The following RYR2 variants were observed in gnomAD, a reference collection of about 807,000 sequenced individuals.
RYR2 encodes cardiac muscle ryanodine receptor-calcium release channel.
RYR2 carries 227 observed loss-of-function variants against 601.1 expected under a neutral mutation model. That is an observed-to-expected ratio of 0.38 (90% CI 0.34 to 0.42). The LOEUF is 0.42. Ranked by LOEUF, RYR2 falls within the 10% of genes least tolerant of loss-of-function variation. RYR2 has a pLI of 1.00. For synonymous variants in RYR2, 2,223 were observed against 2,175.1 expected (o/e 1.02, Z -0.61); for missense variants, 4,646 against 6,156.5 (o/e 0.75, Z 8.21).
chr1:237,458,976 C>T (rs866756857), intron 16 of RYR2, among the ~76,000 whole-genome samples: 9 of 152,250 alleles, frequency 5.9e-5, no homozygotes, highest in South Asian at 2.1e-4. Context: ...AGGTGACATG[C>T]GGCTGCCATT....
intron 10 of RYR2, among the ~76,000 whole-genome samples, chr1:237,403,808 G>T (rs1259291828): frequency 2.0e-5 from 3 of 152,042 alleles, no homozygotes; most frequent in Non-Finnish European, 4.4e-5. Flanking sequence ...GTTTCTTTGA[G>T]TAGAAGAAAA....
chr1:237,585,019 G>A (rs1364629009), intron 29 of RYR2, among the ~76,000 whole-genome samples: 1 of 151,986 alleles, frequency 6.6e-6, no homozygotes, highest in East Asian at 1.9e-4. Flanking sequence ...ATACAGGCAT[G>A]AACTACTGCC....
intron 62 of RYR2, among the ~76,000 whole-genome samples, chr1:237,687,186 T>A (rs1421175845): frequency 2.6e-5 from 4 of 152,034 alleles, no homozygotes; most frequent in African/African-American, 9.7e-5. Context: ...GCTTTCAATT[T>A]TTTTTGGTTT....
intron 2 of RYR2, among the ~76,000 whole-genome samples, chr1:237,323,155 C>A (rs1180427223): frequency 6.6e-6 from 1 of 152,026 alleles, no homozygotes; most frequent in Non-Finnish European, 1.5e-5. Flanking sequence ...GTATGTGGAG[C>A]TTTTATTGAG....
In RYR2 at chr1:237,796,629, A is replaced by G. The variant is rs142281672; in HGVS notation, c.13956+1298A>G. The stretch of plus-strand genomic sequence containing the variant: ...TATATTTCCTTCTTCATTCACTTCA[A>G]TCTTGTTCAGTATATTTCCTTCTTC... On this transcript the variant is annotated intron_variant, in intron 96 of 104. Transcript: ENST00000366574. Among the ~76,000 whole-genome samples the G allele has an allele frequency of 4.0e-3, 607 of 151,994 alleles. 3 individuals carry two copies. The highest frequency in any genetic ancestry group is 0.014 in the African/African-American group (571 of 41,444).
At chr1:237,280,317 C>A (rs949682263) in intron 2 of RYR2, among the ~76,000 whole-genome samples, 2 of 151,980 alleles carry the variant, frequency 1.3e-5, no homozygotes, top group African/African-American at 4.8e-5. Flanking sequence ...TGTTTCTTGA[C>A]GATTTCTCTA....
intron 92 of RYR2, among the ~76,000 whole-genome samples, chr1:237,788,409 G>A (rs902071293): frequency 1.3e-5 from 2 of 152,148 alleles, no homozygotes; most frequent in Non-Finnish European, 2.9e-5. Flanking sequence ...CCCAGTGTCT[G>A]CCCACAAAGA....
In RYR2 at chr1:237,503,366, C is replaced by A; in HGVS notation, c.2474C>A (p.Ala825Asp). ...CCTGGGTATGCTCCTTGTTATGAAG[C>A]TGTTCTGCCAAAAGAAAAGTTGAAA... ...PPPGYAPCYEAVLPKEKLKVE... is the reference protein window; with the variant it reads ...PPPGYAPCYEDVLPKEKLKVE... Residue 825 changes from alanine to aspartate, a missense_variant, in exon 22 of 105, where the codon GCT (alanine) becomes GAT (aspartate). Physicochemically the swap from Ala to Asp is moderately radical, Grantham distance 126. Coordinates refer to ENST00000366574, the MANE Select transcript of RYR2 (RefSeq NM_001035.3). 6.2e-7 allele frequency: 1 copy of A among 1,613,868 alleles called. No homozygotes were observed. The highest frequency in any genetic ancestry group is 1.1e-5 in the South Asian group (1 of 91,082).
In RYR2 at chr1:237,387,198, G is replaced by A. The variant is rs562930971; in HGVS notation, c.577-83G>A. 8.6e-5 allele frequency: 105 copies of A among 1,222,402 alleles called. 1 individual carries two copies. In the Admixed American group the frequency reaches 1.7e-3, roughly 19 times the overall value. 75.7% of individuals were successfully genotyped at this position (1,222,402 alleles called of 1,614,324 possible). The stretch of plus-strand genomic sequence containing the variant: ...CTATGAACATAACCAAATCAGCAAC[G>A]TTAAGTTTGCATTCCTAGAAGCACT... On this transcript the variant is annotated intron_variant, in intron 8 of 104. Transcript: ENST00000366574.
chr1:237,328,808 A>AG (rs1696415749), intron 2 of RYR2, among the ~76,000 whole-genome samples: 1 of 152,218 alleles, frequency 6.6e-6, no homozygotes. Flanking sequence ...TAGAGGTTCA[A>AG]TTTAATAAAA....
At chr1:237,720,279 T>C (rs550588394) in intron 73 of RYR2, among the ~76,000 whole-genome samples, 23 of 152,310 alleles carry the variant, frequency 1.5e-4, no homozygotes, top group African/African-American at 5.3e-4. Context: ...AACAATATAA[T>C]ATATGCCTTT....
intron 10 of RYR2, among the ~76,000 whole-genome samples, chr1:237,413,927 A>G (rs1034341577): frequency 2.6e-5 from 4 of 152,268 alleles, no homozygotes; most frequent in East Asian, 3.9e-4. Context: ...TCTCTTCATT[A>G]TATTCTAGAT....
chr1:237,174,345 A>G (rs546867521), intron 1 of RYR2, among the ~76,000 whole-genome samples: 1 of 152,308 alleles, frequency 6.6e-6, no homozygotes, highest in South Asian at 2.1e-4. Flanking sequence ...TGTTCTTACT[A>G]ATGTCACCCT....
At chr1:237,081,818 TC>T (rs1346634731) in intron 1 of RYR2, among the ~76,000 whole-genome samples, 1 of 152,100 alleles carries the variant, frequency 6.6e-6, no homozygotes, top group African/African-American at 2.4e-5. Context: ...CTTCAGTTTC[TC>T]CTGCGGCATG....
At chr1:237,831,173 G>A (rs1043308384) in intron 103 of RYR2, among the ~76,000 whole-genome samples, 2 of 151,992 alleles carry the variant, frequency 1.3e-5, no homozygotes, top group African/African-American at 2.4e-5. Flanking sequence ...TAGCATTATA[G>A]GGAAAAAAAA....
intron 63 of RYR2, among the ~76,000 whole-genome samples, chr1:237,690,863 C>T (rs1686882172): frequency 6.6e-6 from 1 of 152,172 alleles, no homozygotes; most frequent in Non-Finnish European, 1.5e-5. Flanking sequence ...CTTTATAATA[C>T]ACCCATTTCC....
At chr1:237,669,823 G>A (rs1370946650) in intron 58 of RYR2, among the ~76,000 whole-genome samples, 1 of 150,602 alleles carries the variant, frequency 6.6e-6, no homozygotes, top group African/African-American at 2.4e-5. Flanking sequence ...CCAGGCAGAG[G>A]GGCTCCTCAC....
intron 16 of RYR2, among the ~76,000 whole-genome samples, chr1:237,458,630 ATGTC>A (rs2150239375): frequency 6.6e-6 from 1 of 152,224 alleles, no homozygotes; most frequent in East Asian, 1.9e-4. Context: ...ATTTAACTGA[ATGTC>A]TGGCACATAG....
intron 1 of RYR2, among the ~76,000 whole-genome samples, chr1:237,099,949 CG>C (rs1667904154): frequency 6.6e-6 from 1 of 152,306 alleles, no homozygotes; most frequent in African/African-American, 2.4e-5. Context: ...ATGAACCCAG[CG>C]GAGGGGCTCT....
Sources: gnomAD v4.1 joint callset for allele counts (sites outside exome capture counted in the v4.1 genomes callset) on GRCh38, gnomAD v4.1.1 for gene constraint, MANE v1.5 for transcripts, NCBI Gene and HGNC (gene_info 2026-07-23, HGNC 2026-07-21) for gene names.